Variants in CEP128 observed in about 807,000 individuals in gnomAD.
CEP128 encodes centrosomal protein 128.
CEP128 carries 132 observed loss-of-function variants against 156.7 expected under a neutral mutation model. The ratio of observed to expected loss-of-function variants is 0.84; its 90% CI spans 0.73 to 0.97. The LOEUF (loss-of-function observed/expected upper bound fraction) is 0.97. Ranked by LOEUF, CEP128 falls within the 50% of genes least tolerant of loss-of-function variation. CEP128 has a pLI of 0.00. For synonymous variants in CEP128, 469 were observed against 448.9 expected (o/e 1.04, Z -0.57); for missense variants, 1,252 against 1,281.9 (o/e 0.98, Z 0.36).
Position 80,954,517 on chromosome 14 carries a change from C to T in CEP128, c.-172+3661G>A, listed in dbSNP as rs113067546. ...ATCCACTTAACCTCCAGCCTAATTA[C>T]GATATGGAAACCCTGTGTGTTCCCT... On this transcript the variant is annotated intron_variant, in intron 2 of 7. Coordinates refer to the CEP128 transcript ENST00000555529. Among the ~76,000 whole-genome samples the T allele has an allele frequency of 3.4e-3, 515 of 152,236 alleles. 6 individuals carry two copies. Among genetic ancestry groups the T allele is most frequent in the African/African-American group, 0.012 (498 of 41,540 alleles).
At chr14:80,893,394 G>A (rs1889195523) in intron 8 of CEP128, among the ~76,000 whole-genome samples, 1 of 151,254 alleles carries the variant, frequency 6.6e-6, no homozygotes, top group South Asian at 2.1e-4. Flanking sequence ...TATGTAGGAT[G>A]AACAAGTCTA....
chr14:80,819,239 C>CTTTTTTTT (rs1187431254), intron 13 of CEP128, among the ~76,000 whole-genome samples: 12 of 82,748 alleles, frequency 1.5e-4, no homozygotes, highest in Middle Eastern at 0.01. Flanking sequence ...TGGCATCTTC[C>CTTTTTTTT]TTTTTTTTTT....
At chr14:80,867,239 G>A (rs1887809914) in intron 8 of CEP128, among the ~76,000 whole-genome samples, 2 of 152,058 alleles carry the variant, frequency 1.3e-5, no homozygotes, top group Admixed American at 1.3e-4. Context: ...GCAACTAATG[G>A]GTGAGTTGTG....
At chr14:80,730,157 T>C (rs1392795189) in intron 19 of CEP128, among the ~76,000 whole-genome samples, 2 of 152,218 alleles carry the variant, frequency 1.3e-5, no homozygotes, top group Non-Finnish European at 2.9e-5. Context: ...AATTAATTTC[T>C]GTATTTGTTC....
intron 21 of CEP128, among the ~76,000 whole-genome samples, chr14:80,538,337 T>C (rs1001690924): frequency 4.6e-5 from 7 of 152,198 alleles, no homozygotes; most frequent in African/African-American, 1.7e-4. Context: ...TCTACAAACA[T>C]CATCTAAGAT....
At chr14:80,677,246 C>G (rs1896099124) in intron 19 of CEP128, among the ~76,000 whole-genome samples, 1 of 152,114 alleles carries the variant, frequency 6.6e-6, no homozygotes, top group African/African-American at 2.4e-5. Flanking sequence ...GTGGCTGACA[C>G]CTGTAATCCC....
intron 2 of CEP128, among the ~76,000 whole-genome samples, chr14:80,946,886 A>T (rs1480708882): frequency 1.3e-5 from 2 of 152,214 alleles, no homozygotes; most frequent in Non-Finnish European, 2.9e-5. Context: ...TGATTGGATC[A>T]CAGCAGTGGA....
At chr14:80,614,487 T>C (rs1893131806) in intron 19 of CEP128, among the ~76,000 whole-genome samples, 1 of 152,208 alleles carries the variant, frequency 6.6e-6, no homozygotes, top group Non-Finnish European at 1.5e-5. Flanking sequence ...TCTCAAATAT[T>C]ACTATTAATA....
intron 14 of CEP128, among the ~76,000 whole-genome samples, chr14:80,792,148 T>C (rs1242835374): frequency 6.6e-6 from 1 of 152,218 alleles, no homozygotes; most frequent in Non-Finnish European, 1.5e-5. Context: ...AGAGAAAAGA[T>C]AATGTGAAAT....
intron 20 of CEP128, among the ~76,000 whole-genome samples, chr14:80,574,259 G>A (rs1329948777): frequency 2.6e-5 from 4 of 152,204 alleles, no homozygotes; most frequent in African/African-American, 7.2e-5. Context: ...TGAGAGAGCA[G>A]AGCATTCCCT....
At chr14:80,780,068 A>G (rs1901022291) in intron 15 of CEP128, among the ~76,000 whole-genome samples, 1 of 152,252 alleles carries the variant, frequency 6.6e-6, no homozygotes, top group Non-Finnish European at 1.5e-5. Context: ...CAGATACAGC[A>G]TGTCATTAAA....
intron 8 of CEP128, among the ~76,000 whole-genome samples, chr14:80,872,361 T>C (rs910609918): frequency 3.3e-5 from 5 of 152,148 alleles, no homozygotes; most frequent in African/African-American, 1.2e-4. Context: ...AATTTGACAT[T>C]AGCAAAAAAT....
intron 19 of CEP128, among the ~76,000 whole-genome samples, chr14:80,723,607 C>A (rs1566877820): frequency 1.3e-5 from 2 of 152,116 alleles, no homozygotes; most frequent in Non-Finnish European, 2.9e-5. Flanking sequence ...AAAAGTGATA[C>A]CCTTTTTGCA....
At chr14:80,591,973 A>G (rs953231413) in intron 19 of CEP128, among the ~76,000 whole-genome samples, 17 of 152,216 alleles carry the variant, frequency 1.1e-4, no homozygotes, top group Admixed American at 1.1e-3. Flanking sequence ...ACAAAGACAC[A>G]ATATACCAGA....
chr14:80,949,809 T>G (rs12050279), intron 2 of CEP128, among the ~76,000 whole-genome samples: 4 of 152,144 alleles, frequency 2.6e-5, no homozygotes, highest in African/African-American at 9.6e-5. Context: ...ACAAAAATTA[T>G]CAGGCATACA....
chr14:80,877,942 T>C (rs1888360398), intron 8 of CEP128, among the ~76,000 whole-genome samples: 1 of 151,750 alleles, frequency 6.6e-6, no homozygotes, highest in South Asian at 2.1e-4. Context: ...CCAGAGCAGA[T>C]GTGGCACCCT....
intron 8 of CEP128, among the ~76,000 whole-genome samples, chr14:80,880,248 G>GA (rs979274304): frequency 5.5e-5 from 8 of 145,688 alleles, no homozygotes; most frequent in South Asian, 2.2e-4. Flanking sequence ...CAACTGATAA[G>GA]AAAAAAAAAA....
chr14:80,777,661 A>C (rs2139768720), intron 16 of CEP128, among the ~76,000 whole-genome samples: 1 of 152,306 alleles, frequency 6.6e-6, no homozygotes, highest in African/African-American at 2.4e-5. Flanking sequence ...AGACAGAAAA[A>C]ATTTAAAATC....
chr14:80,942,365 G>A (rs534660830), upstream of CEP128: 2 of 152,158 alleles, frequency 1.3e-5, no homozygotes, highest in Non-Finnish European at 2.9e-5. Flanking sequence ...TTCAGTCTAG[G>A]TGTCATCTCC....
Sources: gnomAD v4.1 joint callset for allele counts (sites outside exome capture counted in the v4.1 genomes callset) on GRCh38, gnomAD v4.1.1 for gene constraint, MANE v1.5 for transcripts, NCBI Gene and HGNC (gene_info 2026-07-23, HGNC 2026-07-21) for gene names.